UBE3D: variants seen among roughly 807,000 people sequenced by gnomAD.
UBE3D encodes ubiquitin protein ligase E3D.
Under a neutral mutation model 49.6 loss-of-function variants are expected in UBE3D, and 48 were observed. The observed-to-expected ratio is 0.97, with a 90% confidence interval of 0.77 to 1.23. UBE3D has a LOEUF of 1.23. Ranked by LOEUF, UBE3D falls within the 50% of genes most tolerant of loss-of-function variation. The pLI is 0.00. For synonymous variants in UBE3D, 189 were observed against 174.2 expected, an observed-to-expected ratio of 1.08 and a Z score of -0.67; for missense variants, 452 against 468.4, an observed-to-expected ratio of 0.96 and a Z score of 0.32.
intron 8 of UBE3D, among the ~76,000 whole-genome samples, chr6:82,998,167 C>T (rs1358352419): frequency 6.6e-6 from 1 of 152,198 alleles, no homozygotes; most frequent in Non-Finnish European, 1.5e-5. Flanking sequence ...AGCAGCTAGA[C>T]TTAACAGTGG....
At chr6:82,958,395 T>C (rs1244519813) in intron 8 of UBE3D, among the ~76,000 whole-genome samples, 2 of 152,198 alleles carry the variant, frequency 1.3e-5, no homozygotes, top group South Asian at 2.1e-4. Flanking sequence ...TATTGGTTTA[T>C]ATAAATATAC....
At chr6:83,054,562 A>G (rs1383890301) in intron 2 of UBE3D, among the ~76,000 whole-genome samples, 1 of 152,262 alleles carries the variant, frequency 6.6e-6, no homozygotes, top group African/African-American at 2.4e-5. Context: ...CAAGCTAACT[A>G]CACAGATCTC....
chr6:82,925,952 T>C (rs535340556), intron 9 of UBE3D, among the ~76,000 whole-genome samples: 1 of 152,286 alleles, frequency 6.6e-6, no homozygotes, highest in South Asian at 2.1e-4. Context: ...AAGTACATGA[T>C]AGAACCAGTA....
At position 83,022,532 on chromosome 6, in the gene UBE3D, TG is replaced by T. The variant is rs1434535464; in HGVS notation, c.766del (p.Gln256SerfsTer31). 2.5e-6 allele frequency: 4 copies of T among 1,604,640 alleles called. No individual in the cohort carries two copies. Among genetic ancestry groups the T allele is most frequent in the Non-Finnish European group, 3.4e-6 (4 of 1,176,558 alleles). ...AGCAGAGGAGAGCTGCACCAGACAC[TG>T]GGCGATCACGCTCTGGACAAACCAA... ...RSWFVQSVIA[Q>X]CLVQLSSARS... On this transcript the variant is annotated frameshift_variant, in exon 7 of 10. Coordinates refer to ENST00000369747, the MANE Select transcript of UBE3D (RefSeq NM_198920.3). LOFTEE classifies it high-confidence loss of function.
intron 2 of UBE3D, 148 bp from the exon 3 acceptor site, chr6:83,054,386 A>G (rs1355874246): frequency 6.6e-5 from 41 of 618,046 alleles, no homozygotes; most frequent in Non-Finnish European, 9.6e-5. Context: ...CTATCTGATG[A>G]CTCAAGCAGA....
intron 4 of UBE3D, 89 bp from the exon 5 acceptor site, chr6:83,038,574 G>T: frequency 8.7e-7 from 1 of 1,143,778 alleles, no homozygotes; most frequent in Non-Finnish European, 1.3e-6. Context: ...AGTATACATT[G>T]AACTTTACAT....
intron 8 of UBE3D, among the ~76,000 whole-genome samples, chr6:83,015,588 T>C (rs1780643096): frequency 6.6e-6 from 1 of 152,196 alleles, no homozygotes; most frequent in South Asian, 2.1e-4. Context: ...TTTCTGTTTA[T>C]ATACATTAGA....
At chr6:83,012,139 A>C (rs1261991147) in intron 8 of UBE3D, among the ~76,000 whole-genome samples, 1 of 152,166 alleles carries the variant, frequency 6.6e-6, no homozygotes, top group African/African-American at 2.4e-5. Flanking sequence ...CCTTGGTCAG[A>C]GGCAATGCTG....
chr6:83,042,480 T>A (rs74717122), intron 4 of UBE3D, among the ~76,000 whole-genome samples: 116 of 152,356 alleles, frequency 7.6e-4, no homozygotes, highest in Non-Finnish European at 1.6e-3. Context: ...AGAGAATCTC[T>A]GCTTTGTAAT....
At chr6:83,004,586 G>A (rs2127750188) in intron 8 of UBE3D, among the ~76,000 whole-genome samples, 1 of 152,296 alleles carries the variant, frequency 6.6e-6, no homozygotes, top group East Asian at 1.9e-4. Flanking sequence ...ACACTTACTT[G>A]AGATTGTTTA....
chr6:82,975,427 G>A (rs1039278918), intron 8 of UBE3D, among the ~76,000 whole-genome samples: 1 of 152,126 alleles, frequency 6.6e-6, no homozygotes, highest in African/African-American at 2.4e-5. Context: ...ATAAAGAGGT[G>A]CAAGCAAAGA....
chr6:82,959,945 T>C (rs1370810180), intron 8 of UBE3D, among the ~76,000 whole-genome samples: 4 of 152,028 alleles, frequency 2.6e-5, no homozygotes, highest in Admixed American at 6.6e-5. Context: ...CGGGAAATAG[T>C]TAATCCTCTG....
At chr6:82,907,108 GA>G (rs1772157205) in intron 9 of UBE3D, among the ~76,000 whole-genome samples, 2 of 152,142 alleles carry the variant, frequency 1.3e-5, no homozygotes, top group South Asian at 2.1e-4. Context: ...ACTGCTTCCA[GA>G]AAAAGGCTCA....
intron 1 of UBE3D, among the ~76,000 whole-genome samples, chr6:83,063,787 G>A (rs918568332): frequency 6.6e-6 from 1 of 152,078 alleles, no homozygotes; most frequent in Admixed American, 6.6e-5. Flanking sequence ...CTGGTTGAAC[G>A]TGCAAACTGG....
chr6:82,965,344 G>A (rs557070268), intron 8 of UBE3D, among the ~76,000 whole-genome samples: 1 of 152,122 alleles, frequency 6.6e-6, no homozygotes, highest in East Asian at 1.9e-4. Flanking sequence ...AGCACTTTGG[G>A]AGGCCGAGGC....
intron 9 of UBE3D, among the ~76,000 whole-genome samples, chr6:82,903,988 G>A (rs1771920798): frequency 6.6e-6 from 1 of 152,174 alleles, no homozygotes; most frequent in African/African-American, 2.4e-5. Flanking sequence ...CCAGGTCAAG[G>A]ACAGTGTAGG....
chr6:82,994,670 T>C (rs1779120887), intron 8 of UBE3D, among the ~76,000 whole-genome samples: 1 of 152,028 alleles, frequency 6.6e-6, no homozygotes, highest in African/African-American at 2.4e-5. Flanking sequence ...AAAGAAAGAA[T>C]GGATGTGAAG....
At chr6:82,973,202 C>A (rs1035390865) in intron 8 of UBE3D, among the ~76,000 whole-genome samples, 2 of 152,084 alleles carry the variant, frequency 1.3e-5, no homozygotes, top group Non-Finnish European at 2.9e-5. Flanking sequence ...TCATTTCTAG[C>A]AACTTGGATT....
downstream of UBE3D, among the ~76,000 whole-genome samples, chr6:82,890,338 T>C (rs1000309910): frequency 7.2e-5 from 11 of 152,058 alleles, no homozygotes; most frequent in African/African-American, 2.4e-4. Context: ...AGCCCCAAAG[T>C]AGACTCTCAC....
Sources: allele counts gnomAD v4.1 joint callset (sites outside exome capture counted in the v4.1 genomes callset), GRCh38; gene constraint gnomAD v4.1.1; transcripts MANE v1.5; gene names NCBI Gene and HGNC (gene_info 2026-07-23, HGNC 2026-07-21).